Variants in DGKI observed in about 807,000 individuals in gnomAD.
DGKI encodes diacylglycerol kinase iota.
A neutral mutation model predicts 147.5 loss-of-function variants in DGKI; 55 were observed. The ratio of observed to expected loss-of-function variants is 0.37; its 90% CI spans 0.30 to 0.47. The LOEUF is 0.47. Among genes scored for constraint, DGKI ranks in the 20% least tolerant of loss-of-function variants. The probability of loss-of-function intolerance (pLI) is 1.00; values close to 1 mark genes in which losing one functional copy is unlikely to be tolerated. For synonymous variants in DGKI, 469 were observed against 477.1 expected (o/e 0.98, Z 0.22); for missense variants, 1,007 against 1,323.8 (o/e 0.76, Z 3.71).
chr7:137,656,463 T>C lies in DGKI; in HGVS notation c.681+3A>G. On this transcript the variant is annotated splice_donor_region_variant and intron_variant, in intron 4 of 32. Transcript: ENST00000614521. ...AAAACTGCAGCAGGGGGCGCGCTCT[T>C]ACCTTTTCTAGCTGCTCAATGCAGG... The C allele has an allele frequency of 6.2e-7, 1 of 1,614,122 alleles. No homozygotes were observed. Among genetic ancestry groups the C allele is most frequent in the Non-Finnish European group, 8.5e-7 (1 of 1,179,980 alleles).
At chr7:137,442,236 C>A (rs1813538530) in intron 28 of DGKI, among the ~76,000 whole-genome samples, 1 of 152,128 alleles carries the variant, frequency 6.6e-6, no homozygotes, top group Non-Finnish European at 1.5e-5. Flanking sequence ...ATATAAGGTT[C>A]TTAAAATAAT....
chr7:137,831,669 C>T (rs1360259375), intron 1 of DGKI, among the ~76,000 whole-genome samples: 2 of 152,218 alleles, frequency 1.3e-5, no homozygotes, highest in African/African-American at 4.8e-5. Context: ...CCATATCATT[C>T]CACCACTGGC....
chr7:137,404,258 C>T (rs748533742), intron 30 of DGKI, among the ~76,000 whole-genome samples: 32 of 151,986 alleles, frequency 2.1e-4, no homozygotes, highest in African/African-American at 2.7e-4. Flanking sequence ...AAAAACAAAA[C>T]GACAGTTGAG....
At chr7:137,395,798 T>C (rs1811528503) in intron 31 of DGKI, 101 bp from the exon 32 acceptor site, 3 of 1,007,152 alleles carry the variant, frequency 3.0e-6, no homozygotes, top group South Asian at 2.9e-5. Flanking sequence ...CCTCCTTCCC[T>C]GTAGGCTGCT....
chr7:137,412,983 T>G (rs1812218516), intron 28 of DGKI, among the ~76,000 whole-genome samples: 1 of 151,992 alleles, frequency 6.6e-6, no homozygotes, highest in Non-Finnish European at 1.5e-5. Flanking sequence ...AGAAGAGGAA[T>G]GAGAGGCTAG....
chr7:137,670,887 T>C (rs1322926691), intron 3 of DGKI, among the ~76,000 whole-genome samples: 3 of 152,204 alleles, frequency 2.0e-5, no homozygotes, highest in Non-Finnish European at 4.4e-5. Flanking sequence ...CAGGCAGATC[T>C]TGGTGCATTC....
At chr7:137,833,816 G>C (rs1227269592) in intron 1 of DGKI, among the ~76,000 whole-genome samples, 1 of 152,188 alleles carries the variant, frequency 6.6e-6, no homozygotes, top group Non-Finnish European at 1.5e-5. Context: ...TACCATGGTG[G>C]AGAGCCAGGC....
intron 8 of DGKI, among the ~76,000 whole-genome samples, 196 bp downstream of exon 8, chr7:137,619,628 A>G (rs1339112300): frequency 1.3e-5 from 2 of 152,166 alleles, no homozygotes; most frequent in East Asian, 3.8e-4. Flanking sequence ...TAGGATGGGG[A>G]GGCTGGTTCC....
intron 1 of DGKI, among the ~76,000 whole-genome samples, chr7:137,739,789 C>T (rs1795126244): frequency 6.6e-6 from 1 of 152,134 alleles, no homozygotes; most frequent in Admixed American, 6.6e-5. Context: ...CCCTGTTTTT[C>T]TTATTTGTCA....
chr7:137,590,324 A>G (rs1819563650), intron 12 of DGKI, among the ~76,000 whole-genome samples: 1 of 152,226 alleles, frequency 6.6e-6, no homozygotes, highest in Admixed American at 6.5e-5. Context: ...AAAGAAGCCC[A>G]GAAAGCCTCA....
At chr7:137,782,946 G>T (rs576509103) in intron 1 of DGKI, among the ~76,000 whole-genome samples, 1 of 152,302 alleles carries the variant, frequency 6.6e-6, no homozygotes, top group East Asian at 1.9e-4. Flanking sequence ...ACCACATCAA[G>T]GGAGCACCCC....
chr7:137,678,449 C>T, intron 3 of DGKI, 108 bp downstream of exon 3: 1 of 1,044,884 alleles, frequency 9.6e-7, no homozygotes, highest in South Asian at 1.3e-5. Flanking sequence ...TTTTCCATCT[C>T]ACAAGGACAG....
intron 3 of DGKI, among the ~76,000 whole-genome samples, chr7:137,659,757 C>T (rs1010096129): frequency 2.0e-5 from 3 of 152,150 alleles, no homozygotes; most frequent in African/African-American, 4.8e-5. Context: ...ACAGTGAAAG[C>T]TCGTCTCTAC....
chr7:137,617,737 G>A (rs1461853468), intron 8 of DGKI, among the ~76,000 whole-genome samples: 5 of 152,014 alleles, frequency 3.3e-5, no homozygotes, highest in African/African-American at 1.2e-4. Context: ...TCCTGGTTGT[G>A]ATTTTGTACT....
intron 8 of DGKI, among the ~76,000 whole-genome samples, chr7:137,613,350 TC>T (rs1406857827): frequency 9.2e-5 from 14 of 152,064 alleles, no homozygotes; most frequent in Admixed American, 2.0e-4. Flanking sequence ...CAAAGGCTGC[TC>T]TGAGGATGGG....
chr7:137,496,142 A>G (rs945690091), intron 21 of DGKI, among the ~76,000 whole-genome samples: 1 of 152,204 alleles, frequency 6.6e-6, no homozygotes, highest in African/African-American at 2.4e-5. Flanking sequence ...ACAAAAAATC[A>G]GTAGCATTCC....
intron 1 of DGKI, among the ~76,000 whole-genome samples, chr7:137,818,605 C>T (rs1181462046): frequency 6.6e-6 from 1 of 152,180 alleles, no homozygotes; most frequent in African/African-American, 2.4e-5. Context: ...CCATGCCCGG[C>T]TAATTTTTTG....
chr7:137,525,348 G>C (rs1817106672), intron 20 of DGKI, among the ~76,000 whole-genome samples: 1 of 152,092 alleles, frequency 6.6e-6, no homozygotes, highest in Non-Finnish European at 1.5e-5. Context: ...AGTCTTCTGG[G>C]CGGGGTATCT....
At chr7:137,533,112 T>C (rs1004119346) in intron 20 of DGKI, among the ~76,000 whole-genome samples, 6 of 151,924 alleles carry the variant, frequency 3.9e-5, no homozygotes, top group Admixed American at 3.3e-4. Context: ...CATAGTGAGA[T>C]CATCTCTAAA....
Sources: allele counts gnomAD v4.1 joint callset (sites outside exome capture counted in the v4.1 genomes callset), GRCh38; gene constraint gnomAD v4.1.1; transcripts MANE v1.5; gene names NCBI Gene and HGNC (gene_info 2026-07-23, HGNC 2026-07-21).